Variants in LEF1 observed in about 807,000 individuals in gnomAD.
The protein encoded by LEF1 is lymphoid enhancer-binding factor 1.
A neutral mutation model predicts 51.2 loss-of-function variants in LEF1; 14 were observed. The observed-to-expected ratio is 0.27, with a 90% confidence interval of 0.18 to 0.43. The LOEUF is 0.43. Among genes scored for constraint, LEF1 ranks in the 20% least tolerant of loss-of-function variants. The probability of loss-of-function intolerance (pLI) is 1.00; values close to 1 mark genes in which losing one functional copy is unlikely to be tolerated. For missense variants in LEF1, 386 were observed against 512.0 expected (o/e 0.75, Z 2.37); for synonymous variants, 185 against 183.2 (o/e 1.01, Z -0.08).
intron 3 of LEF1, among the ~76,000 whole-genome samples, chr4:108,145,632 A>G (rs1430291234): frequency 6.6e-6 from 1 of 152,202 alleles, no homozygotes; most frequent in Non-Finnish European, 1.5e-5. Flanking sequence ...AGATGGAGCC[A>G]TGGAAGCCAG....
chr4:108,133,185 G>T (rs1424838663), intron 3 of LEF1, among the ~76,000 whole-genome samples: 1 of 152,018 alleles, frequency 6.6e-6, no homozygotes, highest in African/African-American at 2.4e-5. Flanking sequence ...TGTTGGTCAG[G>T]CTGGTCTCAA....
intron 2 of LEF1, among the ~76,000 whole-genome samples, chr4:108,164,869 C>T (rs1745283708): frequency 6.6e-6 from 1 of 152,116 alleles, no homozygotes; most frequent in African/African-American, 2.4e-5. Flanking sequence ...GAATCTGGAA[C>T]CCACCTGAAA....
At chr4:108,111,436 C>T (rs1202506892) in intron 3 of LEF1, among the ~76,000 whole-genome samples, 1 of 152,196 alleles carries the variant, frequency 6.6e-6, no homozygotes, top group Admixed American at 6.5e-5. Flanking sequence ...TTGCAGGCCA[C>T]ACAACTCCTG....
chr4:108,093,769 A>G (rs1163145298), intron 3 of LEF1, among the ~76,000 whole-genome samples: 2 of 152,216 alleles, frequency 1.3e-5, no homozygotes, highest in African/African-American at 4.8e-5. Context: ...AAGAAAAAAA[A>G]GAAAGAAAGA....
intron 3 of LEF1, among the ~76,000 whole-genome samples, chr4:108,129,824 T>C (rs1378964960): frequency 5.9e-5 from 9 of 152,238 alleles, no homozygotes; most frequent in South Asian, 4.1e-4. Flanking sequence ...AAAAATGTGA[T>C]ACAAATTTGG....
chr4:108,120,062 C>A (rs1742079202), intron 3 of LEF1, among the ~76,000 whole-genome samples: 1 of 151,536 alleles, frequency 6.6e-6, no homozygotes, highest in African/African-American at 2.4e-5. Flanking sequence ...AGAAGGGTCT[C>A]ACTCTGACAC....
At chr4:108,057,949 C>A (rs1172486431) in intron 11 of LEF1, among the ~76,000 whole-genome samples, 2 of 151,736 alleles carry the variant, frequency 1.3e-5, no homozygotes, top group African/African-American at 4.8e-5. Context: ...TCTCTGCTCA[C>A]TGCAACCTGC....
chr4:108,080,041 T>G (rs1739183345), intron 6 of LEF1, among the ~76,000 whole-genome samples: 1 of 152,150 alleles, frequency 6.6e-6, no homozygotes. Context: ...AGAAAACGGA[T>G]AGGAATCAGT....
At chr4:108,061,785 G>A (rs1737711085) in intron 11 of LEF1, among the ~76,000 whole-genome samples, 1 of 152,184 alleles carries the variant, frequency 6.6e-6, no homozygotes, top group African/African-American at 2.4e-5. Flanking sequence ...TGGCTCAGAA[G>A]AGGTTCTCGA....
intron 4 of LEF1, among the ~76,000 whole-genome samples, chr4:108,088,079 G>C (rs570535789): frequency 1.3e-4 from 20 of 152,328 alleles, no homozygotes; most frequent in African/African-American, 4.3e-4. Context: ...TTCAAGTCTA[G>C]TGCACTAGTA....
intron 5 of LEF1, among the ~76,000 whole-genome samples, chr4:108,082,831 A>G (rs556861761): frequency 7.0e-4 from 107 of 152,324 alleles, no homozygotes; most frequent in African/African-American, 2.5e-3. Context: ...AGAAAAAAAG[A>G]AGGCCCCCAA....
chr4:108,114,673 G>A (rs1330429577), intron 3 of LEF1, among the ~76,000 whole-genome samples: 3 of 152,178 alleles, frequency 2.0e-5, no homozygotes, highest in Admixed American at 2.0e-4. Flanking sequence ...GAGATAACAC[G>A]AAAATACTGT....
chr4:108,111,466 G>A (rs1312577111), intron 3 of LEF1, among the ~76,000 whole-genome samples: 1 of 152,148 alleles, frequency 6.6e-6, no homozygotes, highest in African/African-American at 2.4e-5. Context: ...AGGAAAGGAG[G>A]GGAAAACAGG....
At chr4:108,130,507 G>A (rs1742803575) in intron 3 of LEF1, among the ~76,000 whole-genome samples, 1 of 151,130 alleles carries the variant, frequency 6.6e-6, no homozygotes, top group African/African-American at 2.4e-5. Flanking sequence ...ATCACTTGAG[G>A]TCAGGAGTTC....
At chr4:108,147,484 G>A (rs1251446119) in intron 3 of LEF1, among the ~76,000 whole-genome samples, 1 of 152,176 alleles carries the variant, frequency 6.6e-6, no homozygotes, top group East Asian at 1.9e-4. Flanking sequence ...GCCATCTTAG[G>A]AGGAAATATT....
At chr4:108,063,561 C>T in intron 11 of LEF1, 62 bp downstream of exon 11, 1 of 1,291,948 alleles carries the variant, frequency 7.7e-7, no homozygotes, top group Non-Finnish European at 1.1e-6. Context: ...AGAAGATTCA[C>T]AAGCAAGTGC....
intron 11 of LEF1, among the ~76,000 whole-genome samples, chr4:108,061,818 G>C (rs1196440450): frequency 6.6e-6 from 1 of 152,170 alleles, no homozygotes; most frequent in Non-Finnish European, 1.5e-5. Context: ...GAGTTAAAAT[G>C]AGTATATTAT....
intron 9 of LEF1, among the ~76,000 whole-genome samples, chr4:108,065,893 C>T (rs559060876): frequency 6.6e-6 from 1 of 152,082 alleles, no homozygotes; most frequent in East Asian, 1.9e-4. Context: ...GTCTTGCTCT[C>T]ATAACAATAA....
chr4:108,102,370 C>T (rs79448015), intron 3 of LEF1, among the ~76,000 whole-genome samples: 128 of 152,260 alleles, frequency 8.4e-4, no homozygotes, highest in Admixed American at 2.7e-3. Context: ...ACAGATGAGA[C>T]GTGGTCATCC....
Sources: allele counts gnomAD v4.1 joint callset (sites outside exome capture counted in the v4.1 genomes callset), GRCh38; gene constraint gnomAD v4.1.1; transcripts MANE v1.5; gene names NCBI Gene and HGNC (gene_info 2026-07-23, HGNC 2026-07-21).